Variants in PARD3 observed in about 807,000 individuals in gnomAD.
PARD3 encodes the protein partitioning defective 3 homolog.
PARD3 carries 75 observed loss-of-function variants against 155.4 expected under a neutral mutation model. The observed-to-expected ratio is 0.48, with a 90% CI of 0.40 to 0.58. The LOEUF is 0.58. PARD3 is among the 20% of genes least tolerant of loss of function. The probability of loss-of-function intolerance (pLI) is 0.00; values close to 1 mark genes in which losing one functional copy is unlikely to be tolerated. For synonymous variants in PARD3, 576 were observed against 610.5 expected (o/e 0.94, Z 0.83); for missense variants, 1,642 against 1,721.7 (o/e 0.95, Z 0.82).
chr10:34,561,681 G>T (rs1423375943), intron 2 of PARD3, among the ~76,000 whole-genome samples: 1 of 151,852 alleles, frequency 6.6e-6, no homozygotes, highest in Non-Finnish European at 1.5e-5. Context: ...ACCATGCCTG[G>T]CTGATCTTGT....
intron 21 of PARD3, among the ~76,000 whole-genome samples, chr10:34,272,853 G>A (rs1955689419): frequency 1.3e-5 from 2 of 152,204 alleles, no homozygotes; most frequent in African/African-American, 4.8e-5. Context: ...ACATATGGAT[G>A]ACAAGCATGT....
chr10:34,163,254 G>T (rs574744411), intron 22 of PARD3, among the ~76,000 whole-genome samples: 3 of 152,152 alleles, frequency 2.0e-5, no homozygotes, highest in African/African-American at 7.2e-5. Context: ...CACAGCCGGT[G>T]GGGGGGAGGA....
intron 22 of PARD3, among the ~76,000 whole-genome samples, chr10:34,206,529 C>T (rs958282009): frequency 3.9e-5 from 6 of 152,208 alleles, no homozygotes; most frequent in African/African-American, 1.2e-4. Flanking sequence ...ACTCCAGAGC[C>T]AGTCGGTGAT....
At chr10:34,506,259 A>G (rs1016868537) in intron 3 of PARD3, among the ~76,000 whole-genome samples, 1 of 152,316 alleles carries the variant, frequency 6.6e-6, no homozygotes, top group Non-Finnish European at 1.5e-5. Context: ...GTACTCATAC[A>G]TTTTCAGCAA....
At chr10:34,201,231 A>G (rs1951194914) in intron 22 of PARD3, among the ~76,000 whole-genome samples, 1 of 152,194 alleles carries the variant, frequency 6.6e-6, no homozygotes, top group Non-Finnish European at 1.5e-5. Flanking sequence ...AAGGGAACCA[A>G]GGCAGGTTAC....
intron 4 of PARD3, among the ~76,000 whole-genome samples, chr10:34,460,715 C>G (rs1022112351): frequency 1.3e-5 from 2 of 151,810 alleles, no homozygotes; most frequent in African/African-American, 4.9e-5. Context: ...CACCTGTAGT[C>G]CCAGCTACTC....
intron 2 of PARD3, among the ~76,000 whole-genome samples, chr10:34,681,728 TTTTATA>T (rs1468404800): frequency 2.9e-4 from 19 of 65,542 alleles, no homozygotes; most frequent in African/African-American, 1.1e-3. Context: ...TACGTATGTA[TTTTATA>T]TATATATATA....
chr10:34,809,791 C>T (rs749876026), intron 1 of PARD3, among the ~76,000 whole-genome samples: 1 of 152,052 alleles, frequency 6.6e-6, no homozygotes, highest in African/African-American at 2.4e-5. Flanking sequence ...TTTCTTTTTC[C>T]TTTTTAGAGG....
intron 2 of PARD3, among the ~76,000 whole-genome samples, chr10:34,525,543 G>A (rs905365515): frequency 6.6e-6 from 1 of 152,172 alleles, no homozygotes; most frequent in Non-Finnish European, 1.5e-5. Context: ...ATCTAAGAGG[G>A]AGTAACGTGG....
chr10:34,221,653 A>G (rs1008929468), intron 22 of PARD3, among the ~76,000 whole-genome samples: 2 of 152,194 alleles, frequency 1.3e-5, no homozygotes, highest in African/African-American at 4.8e-5. Flanking sequence ...CAAGTGTGTT[A>G]TATCTCTGTT....
At chr10:34,801,114 A>G (rs1272681482) in intron 1 of PARD3, among the ~76,000 whole-genome samples, 1 of 152,212 alleles carries the variant, frequency 6.6e-6, no homozygotes, top group Non-Finnish European at 1.5e-5. Flanking sequence ...TCCATTAGCA[A>G]AGCACAAAAA....
intron 24 of PARD3, among the ~76,000 whole-genome samples, chr10:34,114,519 T>C (rs1362182518): frequency 1.3e-5 from 2 of 152,202 alleles, no homozygotes; most frequent in East Asian, 1.9e-4. Flanking sequence ...AATTTTTGTA[T>C]TGTTAGTAGA....
intron 2 of PARD3, among the ~76,000 whole-genome samples, chr10:34,604,494 T>C (rs192865181): frequency 5.9e-5 from 9 of 151,928 alleles, no homozygotes; most frequent in Non-Finnish European, 7.4e-5. Flanking sequence ...TGGCTCTCCT[T>C]GCTCCTCAGC....
chr10:34,371,189 T>C (rs1840567427), intron 12 of PARD3, among the ~76,000 whole-genome samples: 1 of 151,994 alleles, frequency 6.6e-6, no homozygotes. Flanking sequence ...CCCATTTTAT[T>C]ATTTAGAATC....
chr10:34,739,771 C>T (rs1341458279), intron 1 of PARD3, among the ~76,000 whole-genome samples: 1 of 152,148 alleles, frequency 6.6e-6, no homozygotes, highest in African/African-American at 2.4e-5. Flanking sequence ...AAAGTGGGAG[C>T]AGGGGATAGA....
At chr10:34,342,441 T>C (rs1286535987) in intron 15 of PARD3, among the ~76,000 whole-genome samples, 2 of 152,194 alleles carry the variant, frequency 1.3e-5, no homozygotes, top group African/African-American at 4.8e-5. Context: ...GTCAATATGA[T>C]CTTTTCTGCC....
intron 5 of PARD3, among the ~76,000 whole-genome samples, chr10:34,444,554 G>A (rs766769981): frequency 2.6e-5 from 4 of 152,300 alleles, no homozygotes; most frequent in East Asian, 3.9e-4. Flanking sequence ...AGCATAACTT[G>A]TGAGATGACT....
chr10:34,360,951 A>G (rs1839376856), intron 12 of PARD3, among the ~76,000 whole-genome samples: 1 of 152,224 alleles, frequency 6.6e-6, no homozygotes, highest in Non-Finnish European at 1.5e-5. Flanking sequence ...AAGACTTTTT[A>G]AAATAAAAAA....
chr10:34,736,533 T>C (rs1453735359), intron 1 of PARD3, among the ~76,000 whole-genome samples: 1 of 151,636 alleles, frequency 6.6e-6, no homozygotes, highest in Non-Finnish European at 1.5e-5. Flanking sequence ...ATAAAAGAAA[T>C]GAAACAAAAA....
Sources: allele counts gnomAD v4.1 joint callset (sites outside exome capture counted in the v4.1 genomes callset), GRCh38; gene constraint gnomAD v4.1.1; transcripts MANE v1.5; gene names NCBI Gene and HGNC (gene_info 2026-07-23, HGNC 2026-07-21).